Variants in CENPP observed in about 807,000 individuals in gnomAD.
The protein encoded by CENPP is centromere protein P.
A neutral mutation model predicts 35.6 loss-of-function variants in CENPP; 24 were observed. The ratio of observed to expected loss-of-function variants is 0.67; its 90% confidence interval spans 0.49 to 0.95. CENPP has a LOEUF of 0.95. Ranked by LOEUF, CENPP falls within the 40% of genes least tolerant of loss-of-function variation. The pLI, the probability that CENPP is intolerant of heterozygous loss-of-function variation, is 0.00. For missense variants in CENPP, 332 were observed against 345.3 expected (o/e 0.96, Z 0.31); for synonymous variants, 120 against 125.5 (o/e 0.96, Z 0.29).
At chr9:92,355,138 G>A (rs947446773) in intron 4 of CENPP, among the ~76,000 whole-genome samples, 3 of 152,116 alleles carry the variant, frequency 2.0e-5, no homozygotes, top group South Asian at 2.1e-4. Flanking sequence ...GCAGAGAACC[G>A]GTCTGGCCAC....
chr9:92,539,692 G>T (rs187836886), intron 5 of CENPP, among the ~76,000 whole-genome samples: 1 of 152,280 alleles, frequency 6.6e-6, no homozygotes, highest in Non-Finnish European at 1.5e-5. Context: ...TTTGTTCTAG[G>T]ACTGACCTCT....
chr9:92,512,930 G>T (rs928366477), intron 5 of CENPP, among the ~76,000 whole-genome samples: 2 of 152,188 alleles, frequency 1.3e-5, no homozygotes, highest in African/African-American at 2.4e-5. Context: ...TCCTGAGCAT[G>T]AGAGGAGTTC....
At chr9:92,376,322 T>C (rs1001714997) in intron 4 of CENPP, among the ~76,000 whole-genome samples, 14 of 152,214 alleles carry the variant, frequency 9.2e-5, no homozygotes, top group African/African-American at 3.1e-4. Flanking sequence ...ATTTGCCTTT[T>C]AGTATTTTTG....
intron 5 of CENPP, chr9:92,515,092 G>C: frequency 6.2e-7 from 1 of 1,614,072 alleles, no homozygotes; most frequent in African/African-American, 1.3e-5. Context: ...TCCCACCTGA[G>C]GAGGTGGCAG....
intron 5 of CENPP, among the ~76,000 whole-genome samples, chr9:92,539,833 T>G (rs955518028): frequency 6.6e-6 from 1 of 152,204 alleles, no homozygotes; most frequent in Non-Finnish European, 1.5e-5. Flanking sequence ...ATCCCACAAC[T>G]CATTCAACCA....
Position 92,385,268 on chromosome 9 carries a change from G to A in CENPP, c.564+5409G>A, listed in dbSNP as rs144558547. The A allele has an allele frequency of 4.0e-3, 678 of 168,164 alleles. 11 individuals carry two copies. The highest frequency in any genetic ancestry group is 2.6e-3 in the East Asian group (15 of 5,676). The allele number at this position is 168,164 out of a possible 1,614,324, so 10.4% of individuals were successfully genotyped here. On this transcript the variant is annotated intron_variant, in intron 5 of 7. Coordinates refer to ENST00000375587, the MANE Select transcript of CENPP (RefSeq NM_001012267.3). Reference sequence around the variant, plus strand: ...CAGTAAAGGCCAGGAAAGGCAAAGAGTTGAAAGTTTCTTGGATTTATCCTC... The same window carrying A: ...CAGTAAAGGCCAGGAAAGGCAAAGAATTGAAAGTTTCTTGGATTTATCCTC...
chr9:92,457,495 T>C (rs76930379), intron 5 of CENPP: 27 of 1,579,466 alleles, frequency 1.7e-5, no homozygotes, highest in Non-Finnish European at 2.3e-5. Flanking sequence ...TCTGTTGTAG[T>C]AGGAAAAAAG....
At chr9:92,458,925 A>C (rs1014278067) in intron 5 of CENPP, among the ~76,000 whole-genome samples, 1 of 152,224 alleles carries the variant, frequency 6.6e-6, no homozygotes, top group Non-Finnish European at 1.5e-5. Context: ...GGAAAGAAAA[A>C]GAGAAGAGGC....
At chr9:92,510,753 A>G (rs1847283507) in intron 5 of CENPP, among the ~76,000 whole-genome samples, 1 of 152,254 alleles carries the variant, frequency 6.6e-6, no homozygotes, top group African/African-American at 2.4e-5. Flanking sequence ...TGGGACAGAG[A>G]ATTCCAAAGC....
At chr9:92,439,635 T>G (rs1535754) in intron 5 of CENPP, among the ~76,000 whole-genome samples, 60,982 of 152,002 alleles carry the variant, frequency 0.4, 14,374 homozygotes, top group African/African-American at 0.65. Flanking sequence ...GGCTCCTTTG[T>G]CTTTCTATGC....
intron 5 of CENPP, among the ~76,000 whole-genome samples, chr9:92,435,806 T>A (rs11788231): frequency 6.6e-6 from 1 of 152,222 alleles, no homozygotes; most frequent in Non-Finnish European, 1.5e-5. Flanking sequence ...GGTTTAACTG[T>A]CCACTGAAAA....
At chr9:92,555,463 A>G (rs940718482) in intron 5 of CENPP, among the ~76,000 whole-genome samples, 5 of 151,508 alleles carry the variant, frequency 3.3e-5, no homozygotes, top group Non-Finnish European at 7.4e-5. Flanking sequence ...TCCTGAACTC[A>G]GGTGATCCAC....
intron 3 of CENPP, among the ~76,000 whole-genome samples, chr9:92,344,201 G>C (rs117967990): frequency 0.022 from 3,366 of 152,138 alleles, 50 homozygotes; most frequent in Middle Eastern, 0.041. Flanking sequence ...CACAAGCAGG[G>C]GAGAGATGGA....
chr9:92,496,634 A>G (rs1301946278), intron 5 of CENPP: 2 of 963,952 alleles, frequency 2.1e-6, no homozygotes, highest in South Asian at 2.0e-5. Context: ...CAGAGATTCA[A>G]ATGTGAAAGA....
chr9:92,463,286 G>C (rs184580891), intron 5 of CENPP, among the ~76,000 whole-genome samples: 1 of 152,166 alleles, frequency 6.6e-6, no homozygotes, highest in Non-Finnish European at 1.5e-5. Context: ...CTTGCCACAG[G>C]GGGTAATACT....
At chr9:92,455,250 C>T (rs1844839432) in intron 5 of CENPP, among the ~76,000 whole-genome samples, 1 of 152,058 alleles carries the variant, frequency 6.6e-6, no homozygotes, top group South Asian at 2.1e-4. Context: ...ATTAGCTGAG[C>T]ACAGTGGTAT....
chr9:92,327,166 CAG>C (rs1840569807), intron 1 of CENPP, among the ~76,000 whole-genome samples: 3 of 152,252 alleles, frequency 2.0e-5, no homozygotes, highest in East Asian at 1.9e-4. Context: ...ACTGCCCTAA[CAG>C]AGGATTTGTG....
chr9:92,560,868 C>CTTT (rs58467942), intron 5 of CENPP, among the ~76,000 whole-genome samples: 2 of 126,116 alleles, frequency 1.6e-5, no homozygotes, highest in African/African-American at 3.0e-5. Flanking sequence ...TTTTTCTTGT[C>CTTT]TTTTTTTTTT....
chr9:92,539,224 A>C (rs1177843612), intron 5 of CENPP: 1 of 152,120 alleles, frequency 6.6e-6, no homozygotes, highest in Non-Finnish European at 1.5e-5. Context: ...AAAGCATTAG[A>C]CTGTAAATCT....
Sources: allele counts gnomAD v4.1 joint callset (sites outside exome capture counted in the v4.1 genomes callset), GRCh38; gene constraint gnomAD v4.1.1; transcripts MANE v1.5; gene names NCBI Gene and HGNC (gene_info 2026-07-23, HGNC 2026-07-21).